TSHR: variants seen among roughly 807,000 people sequenced by gnomAD.
TSHR encodes thyrotropin receptor.
TSHR carries 51 observed loss-of-function variants against 64.1 expected under a neutral mutation model. That is an observed-to-expected ratio of 0.80 (90% CI 0.64 to 1.01). The LOEUF (loss-of-function observed/expected upper bound fraction) is 1.01. Ranked by LOEUF, TSHR falls within the 50% of genes least tolerant of loss-of-function variation. The probability of loss-of-function intolerance (pLI) is 0.00; values close to 1 mark genes in which losing one functional copy is unlikely to be tolerated. For missense variants in TSHR, 877 were observed against 942.8 expected (o/e 0.93, Z 0.91); for synonymous variants, 361 against 361.9 (o/e 1.00, Z 0.03).
chr14:80,958,315 T>G (rs1886819922), intron 1 of TSHR: 1 of 152,180 alleles, frequency 6.6e-6, no homozygotes, highest in African/African-American at 2.4e-5. Flanking sequence ...ATGAAGTAAT[T>G]TGCTCAATGT....
chr14:81,016,201 C>A (rs1890176624), intron 1 of TSHR, among the ~76,000 whole-genome samples: 1 of 152,162 alleles, frequency 6.6e-6, no homozygotes, highest in Non-Finnish European at 1.5e-5. Context: ...GGCTTCCATG[C>A]TGCTTTCCAC....
At chr14:80,966,889 T>C (rs1343843555) in intron 1 of TSHR, among the ~76,000 whole-genome samples, 1 of 152,158 alleles carries the variant, frequency 6.6e-6, no homozygotes, top group Non-Finnish European at 1.5e-5. Flanking sequence ...TCATTGTATC[T>C]TCACATAGCA....
intron 1 of TSHR, among the ~76,000 whole-genome samples, chr14:81,018,896 T>C (rs1183902176): frequency 6.6e-6 from 1 of 152,196 alleles, no homozygotes; most frequent in East Asian, 1.9e-4. Context: ...AAGCCAAGAT[T>C]AGATGTGTCT....
intron 1 of TSHR, among the ~76,000 whole-genome samples, chr14:80,976,858 T>C (rs1329280252): frequency 6.6e-6 from 1 of 152,250 alleles, no homozygotes; most frequent in East Asian, 1.9e-4. Context: ...CTCTCCTGCT[T>C]CTGCCCAATG....
At chr14:81,083,574 G>A (rs2139953692) in intron 3 of TSHR, among the ~76,000 whole-genome samples, 1 of 151,872 alleles carries the variant, frequency 6.6e-6, no homozygotes, top group East Asian at 1.9e-4. Context: ...TTCAAAACAT[G>A]TCTCCATAGT....
chr14:81,128,951 G>A (rs1001705791), intron 8 of TSHR, among the ~76,000 whole-genome samples: 3 of 152,114 alleles, frequency 2.0e-5, no homozygotes, highest in Non-Finnish European at 2.9e-5. Flanking sequence ...TACTCATGGA[G>A]GATATGCTCC....
In TSHR at chr14:81,129,135, TA is replaced by T. The variant is rs565546477; in HGVS notation, c.693-10543del. On this transcript the variant is annotated intron_variant, in intron 8 of 9. Transcript: ENST00000298171. ...CCCCCAATAAGCCTGCCCTTCATTG[TA>T]CTTCCAGGCTTCACTAGACCTGTCA... Among the ~76,000 whole-genome samples, 613 of 152,334 alleles carry T rather than the reference TA, an allele frequency of 4.0e-3. 2 individuals carry two copies. The highest frequency in any genetic ancestry group is 6.0e-3 in the Non-Finnish European group (409 of 68,032).
intron 1 of TSHR, among the ~76,000 whole-genome samples, chr14:80,966,845 A>G (rs1225722372): frequency 6.6e-6 from 1 of 152,136 alleles, no homozygotes; most frequent in African/African-American, 2.4e-5. Context: ...TTGTCTTGTG[A>G]GGGCTGCTTC....
chr14:80,986,508 C>G (rs1888455955), intron 1 of TSHR, among the ~76,000 whole-genome samples: 1 of 151,864 alleles, frequency 6.6e-6, no homozygotes. Context: ...TTTTTTGAGA[C>G]AGAGTTTCGC....
intron 5 of TSHR, 88 bp from the exon 6 acceptor site, chr14:81,092,443 T>G (rs1045057332): frequency 2.6e-6 from 3 of 1,156,304 alleles, no homozygotes; most frequent in Non-Finnish European, 3.9e-6. Context: ...TATTGTGTCC[T>G]GTTATTTAAG....
At chr14:81,142,867 C>A (rs946771549) in intron 9 of TSHR, 73 bp from the exon 10 acceptor site, 25 of 1,417,364 alleles carry the variant, frequency 1.8e-5, no homozygotes, top group Middle Eastern at 1.8e-4. Flanking sequence ...GCCTTGGCCT[C>A]CCAAAGTGCT....
intron 3 of TSHR, among the ~76,000 whole-genome samples, chr14:81,076,913 G>A (rs1041520244): frequency 9.9e-5 from 15 of 152,082 alleles, no homozygotes; most frequent in Admixed American, 3.3e-4. Flanking sequence ...CCACCTCTGC[G>A]TTCTCATCAT....
intron 7 of TSHR, chr14:81,102,890 C>A (rs935014892): frequency 1.0e-6 from 1 of 984,992 alleles, no homozygotes; most frequent in African/African-American, 1.7e-5. Flanking sequence ...AAATATTTGG[C>A]GTTAGAAAGT....
At chr14:80,968,910 AC>A (rs1424702400) in intron 1 of TSHR, among the ~76,000 whole-genome samples, 4 of 152,046 alleles carry the variant, frequency 2.6e-5, no homozygotes, top group African/African-American at 9.7e-5. Context: ...TATAGTATCA[AC>A]CTCCCTGTAT....
rs189529521 is a variant in TSHR, at chr14:80,971,176, T to C, written c.170+15326T>C. On this transcript the variant is annotated intron_variant, in intron 1 of 9. Coordinates refer to ENST00000298171, the MANE Select transcript of TSHR (RefSeq NM_000369.5). The stretch of plus-strand genomic sequence containing the variant: ...CTAAGCATGTTGCTAATGGAAGAGG[T>C]CCCTGAATCTTTGTGGGATTTATCT... Among the ~76,000 whole-genome samples the C allele has an allele frequency of 4.8e-3, 729 of 152,228 alleles. 3 individuals are homozygous for C. Among genetic ancestry groups the C allele is most frequent in the South Asian group, 0.021 (101 of 4,818 alleles).
intron 1 of TSHR, among the ~76,000 whole-genome samples, chr14:80,984,116 C>T (rs1321024325): frequency 2.0e-5 from 3 of 152,106 alleles, no homozygotes; most frequent in African/African-American, 7.2e-5. Flanking sequence ...CAAATGTGCA[C>T]TCTCTACATA....
At chr14:80,974,707 G>T (rs1887776688) in intron 1 of TSHR, among the ~76,000 whole-genome samples, 1 of 152,090 alleles carries the variant, frequency 6.6e-6, no homozygotes. Flanking sequence ...AAGAAACTTG[G>T]CACTTTATAG....
At chr14:81,042,455 T>TA (rs1201682769) in intron 1 of TSHR, among the ~76,000 whole-genome samples, 1 of 152,152 alleles carries the variant, frequency 6.6e-6, no homozygotes, top group East Asian at 1.9e-4. Flanking sequence ...TATTTAGCCA[T>TA]AAAAAATGAA....
chr14:81,044,869 C>T (rs1885102062), intron 1 of TSHR, among the ~76,000 whole-genome samples: 1 of 152,084 alleles, frequency 6.6e-6, no homozygotes, highest in Non-Finnish European at 1.5e-5. Flanking sequence ...GAGGCAGAAA[C>T]ACTATTTGAC....
Sources: allele counts gnomAD v4.1 joint callset (sites outside exome capture counted in the v4.1 genomes callset), GRCh38; gene constraint gnomAD v4.1.1; transcripts MANE v1.5; gene names NCBI Gene and HGNC (gene_info 2026-07-23, HGNC 2026-07-21).